RAB27A: variants seen among roughly 807,000 people sequenced by gnomAD.
RAB27A encodes the protein RAB27A, member RAS oncogene family.
In RAB27A, 17 loss-of-function variants were observed where a neutral mutation model predicts 20.8. The observed-to-expected ratio is 0.82, with a 90% CI of 0.56 to 1.23. The LOEUF is 1.23. Among genes scored for constraint, RAB27A ranks in the 50% most tolerant of loss-of-function variants. RAB27A has a pLI of 0.00. For synonymous variants in RAB27A, 85 were observed against 92.8 expected (o/e 0.92, Z 0.48); for missense variants, 277 against 266.7 (o/e 1.04, Z -0.27).
At chr15:55,253,462 A>AG (rs398118870) in intron 2 of RAB27A, among the ~76,000 whole-genome samples, 3 of 151,632 alleles carry the variant, frequency 2.0e-5, no homozygotes, top group Non-Finnish European at 4.4e-5. Flanking sequence ...AAAAAAAAAA[A>AG]GAAAGGCTCC....
At chr15:55,305,513 C>T (rs982696130) in intron 2 of RAB27A, among the ~76,000 whole-genome samples, 1 of 152,120 alleles carries the variant, frequency 6.6e-6, no homozygotes, top group African/African-American at 2.4e-5. Flanking sequence ...AGAGGAGTAA[C>T]AATATTATAG....
At chr15:55,298,029 C>T (rs982767225) in intron 2 of RAB27A, among the ~76,000 whole-genome samples, 3 of 151,724 alleles carry the variant, frequency 2.0e-5, no homozygotes, top group South Asian at 2.1e-4. Context: ...AGTGAAACCC[C>T]GTCTCTACTA....
At chr15:55,240,457 T>C (rs7170936) in intron 2 of RAB27A, among the ~76,000 whole-genome samples, 25,012 of 152,076 alleles carry the variant, frequency 0.16, 3,060 homozygotes, top group African/African-American at 0.32. Context: ...ACAATCCTCA[T>C]CACTGCCCTA....
chr15:55,226,159 T>C (rs2140965085), intron 5 of RAB27A, among the ~76,000 whole-genome samples: 1 of 152,292 alleles, frequency 6.6e-6, no homozygotes, highest in East Asian at 1.9e-4. Context: ...GGAAACACAC[T>C]AGCACTGGAT....
chr15:55,315,434 G>A (rs1177912192), intron 1 of RAB27A, among the ~76,000 whole-genome samples: 1 of 152,174 alleles, frequency 6.6e-6, no homozygotes, highest in African/African-American at 2.4e-5. Flanking sequence ...AAGAGCTTCT[G>A]CCTAGCAAAA....
chr15:55,232,597 CTAAAA>C (rs1266235192), intron 3 of RAB27A, among the ~76,000 whole-genome samples: 1 of 152,084 alleles, frequency 6.6e-6, no homozygotes, highest in Admixed American at 6.6e-5. Context: ...TAGCGGTCCT[CTAAAA>C]TTAAAGGATA....
chr15:55,206,721 T>G (rs1204210948), intron 6 of RAB27A, among the ~76,000 whole-genome samples: 1 of 152,114 alleles, frequency 6.6e-6, no homozygotes, highest in African/African-American at 2.4e-5. Context: ...ACTTGAAAAC[T>G]TTTAGAAGAA....
intron 3 of RAB27A, among the ~76,000 whole-genome samples, chr15:55,233,190 C>A (rs1023882791): frequency 6.6e-6 from 1 of 152,052 alleles, no homozygotes; most frequent in Non-Finnish European, 1.5e-5. Flanking sequence ...TTGATGATGG[C>A]ACACAATGTA....
At chr15:55,233,876 A>G (rs933502456) in intron 3 of RAB27A, among the ~76,000 whole-genome samples, 2 of 152,204 alleles carry the variant, frequency 1.3e-5, no homozygotes, top group African/African-American at 4.8e-5. Context: ...TCACATACAT[A>G]TATGTAGATT....
At chr15:55,259,436 C>A (rs528299211) in intron 2 of RAB27A, among the ~76,000 whole-genome samples, 1 of 151,834 alleles carries the variant, frequency 6.6e-6, no homozygotes, top group Non-Finnish European at 1.5e-5. Flanking sequence ...AAGCATGAGT[C>A]GCCACGCCCA....
At chr15:55,257,383 C>T (rs1897119623) in intron 2 of RAB27A, among the ~76,000 whole-genome samples, 1 of 152,176 alleles carries the variant, frequency 6.6e-6, no homozygotes, top group Admixed American at 6.5e-5. Flanking sequence ...ACTGTACAAG[C>T]CACAGAAGAG....
intron 5 of RAB27A, among the ~76,000 whole-genome samples, 166 bp from the exon 6 acceptor site, chr15:55,224,178 T>G (rs972362514): frequency 1.3e-5 from 2 of 152,238 alleles, no homozygotes; most frequent in African/African-American, 4.8e-5. Flanking sequence ...AGCTGAATAG[T>G]TGGGGCAGAA....
intron 2 of RAB27A, among the ~76,000 whole-genome samples, chr15:55,241,656 A>G (rs2141009936): frequency 7.2e-6 from 1 of 138,748 alleles, no homozygotes; most frequent in South Asian, 2.2e-4. Context: ...TTTTTTTTAT[A>G]AATTAGGCAG....
chr15:55,226,664 G>A (rs937754175), intron 5 of RAB27A, among the ~76,000 whole-genome samples: 2 of 152,070 alleles, frequency 1.3e-5, no homozygotes, highest in Non-Finnish European at 2.9e-5. Flanking sequence ...GAGGTCAGGA[G>A]TTGGATGAAA....
At chr15:55,265,830 A>G (rs1444746558) in intron 2 of RAB27A, among the ~76,000 whole-genome samples, 1 of 152,224 alleles carries the variant, frequency 6.6e-6, no homozygotes, top group Non-Finnish European at 1.5e-5. Context: ...GAATGTATCC[A>G]GAACAGAGGC....
intron 1 of RAB27A, among the ~76,000 whole-genome samples, chr15:55,316,234 C>CAAAAA (rs1186678422): frequency 1.9e-5 from 1 of 53,924 alleles, no homozygotes. Context: ...GACTCCGTCT[C>CAAAAA]AAAAAAAAAA....
chr15:55,225,584 T>G (rs1895764571), intron 5 of RAB27A, among the ~76,000 whole-genome samples: 1 of 152,184 alleles, frequency 6.6e-6, no homozygotes, highest in Non-Finnish European at 1.5e-5. Flanking sequence ...AGATGCACAT[T>G]CACATTTGAG....
intron 2 of RAB27A, among the ~76,000 whole-genome samples, chr15:55,250,294 T>TA (rs957990645): frequency 2.8e-4 from 42 of 151,968 alleles, no homozygotes; most frequent in African/African-American, 9.4e-4. Flanking sequence ...AAAACTGGAA[T>TA]AAAAAAAAGT....
At position 55,203,098 on chromosome 15, in the gene RAB27A, A is replaced by C. The variant is rs956986583; in HGVS notation, c.*2409T>G. On this transcript the variant is annotated 3_prime_UTR_variant, in exon 7 of 7. Transcript: ENST00000336787. Reference sequence around the variant, plus strand: ...CAAAAAATATAGTACTTCAATACCAAACTTAAATGATTTCCAAAAAGAATA... The same window carrying C: ...CAAAAAATATAGTACTTCAATACCACACTTAAATGATTTCCAAAAAGAATA... The C allele has an allele frequency of 1.3e-5, 2 of 152,104 alleles. No individual in the cohort carries two copies. The highest frequency in any genetic ancestry group is 2.9e-5 in the Non-Finnish European group (2 of 67,956). The allele number at this position is 152,104 out of a possible 1,614,324, so 9.4% of individuals were successfully genotyped here. A position where few individuals can be genotyped will look rare whatever the true frequency, so the allele number is the denominator to read the frequency against.
Sources: gnomAD v4.1 joint callset for allele counts (sites outside exome capture counted in the v4.1 genomes callset) on GRCh38, gnomAD v4.1.1 for gene constraint, MANE v1.5 for transcripts, NCBI Gene and HGNC (gene_info 2026-07-23, HGNC 2026-07-21) for gene names.